The following DLC1 variants were observed in gnomAD, a reference collection of about 807,000 sequenced individuals.
DLC1 encodes the protein rho GTPase-activating protein 7.
Under a neutral mutation model 140.3 loss-of-function variants are expected in DLC1, and 54 were observed. The observed-to-expected ratio is 0.38, with a 90% CI of 0.31 to 0.48. DLC1 has a LOEUF of 0.48. DLC1 is among the 20% of genes least tolerant of loss of function. The pLI is 0.96. For missense variants in DLC1, 2,536 were observed against 1,907.0 expected (o/e 1.33, Z -6.14); for synonymous variants, 986 against 728.1 (o/e 1.35, Z -5.70).
At chr8:13,518,745 G>T (rs967258086), upstream of DLC1, among the ~76,000 whole-genome samples, 1 of 152,140 alleles carries the variant, frequency 6.6e-6, no homozygotes, top group African/African-American at 2.4e-5. Flanking sequence ...AATATATAAA[G>T]AGAATAAATA....
chr8:13,573,435 T>C (rs535389054), intron 1 of DLC1, among the ~76,000 whole-genome samples: 1 of 152,316 alleles, frequency 6.6e-6, no homozygotes, highest in African/African-American at 2.4e-5. Flanking sequence ...TCCTTTCCAA[T>C]TTGAATGCCT....
chr8:13,538,884 T>C (rs1803390192), intron 1 of DLC1, among the ~76,000 whole-genome samples: 1 of 152,226 alleles, frequency 6.6e-6, no homozygotes, highest in African/African-American at 2.4e-5. Flanking sequence ...AGTAATGTCG[T>C]AAATATCTTT....
chr8:13,573,217 G>A (rs1410006703), intron 1 of DLC1, among the ~76,000 whole-genome samples: 1 of 151,912 alleles, frequency 6.6e-6, no homozygotes, highest in Non-Finnish European at 1.5e-5. Context: ...TTATTCTTTT[G>A]GTTGCCATTG....
chr8:13,281,316 G>T (rs1008446830), intron 5 of DLC1, among the ~76,000 whole-genome samples: 4 of 152,130 alleles, frequency 2.6e-5, no homozygotes, highest in African/African-American at 9.7e-5. Flanking sequence ...TTGACCAAAG[G>T]GTCAAATCAA....
intron 1 of DLC1, chr8:13,567,024 CA>C (rs1247757358): frequency 1.3e-6 from 2 of 1,550,928 alleles, no homozygotes; most frequent in Non-Finnish European, 1.7e-6. Flanking sequence ...CCCAAACGGA[CA>C]AAAGTGCTCT....
At chr8:13,465,004 C>T (rs1218959258) in intron 2 of DLC1, among the ~76,000 whole-genome samples, 3 of 151,956 alleles carry the variant, frequency 2.0e-5, no homozygotes, top group African/African-American at 7.3e-5. Context: ...GTAGCTTGAA[C>T]TACAGGTGCA....
At chr8:13,470,996 A>T (rs558146700) in intron 2 of DLC1, among the ~76,000 whole-genome samples, 4 of 152,192 alleles carry the variant, frequency 2.6e-5, no homozygotes, top group African/African-American at 7.2e-5. Context: ...ATGCTACAAC[A>T]TGGATGAATC....
At chr8:13,269,901 C>CAA (rs371620278) in intron 5 of DLC1, among the ~76,000 whole-genome samples, 23 of 129,534 alleles carry the variant, frequency 1.8e-4, no homozygotes, top group African/African-American at 4.4e-4. Flanking sequence ...ACTAAAAATA[C>CAA]AAAAAAAAAA....
intron 5 of DLC1, among the ~76,000 whole-genome samples, chr8:13,191,117 G>C (rs192881954): frequency 1.3e-3 from 204 of 152,270 alleles, no homozygotes; most frequent in Non-Finnish European, 7.2e-4. Flanking sequence ...ACAAATGACT[G>C]GTAATAGCAA....
intron 5 of DLC1, among the ~76,000 whole-genome samples, chr8:13,191,794 C>G (rs115088202): frequency 4.6e-5 from 7 of 152,180 alleles, no homozygotes; most frequent in African/African-American, 9.6e-5. Flanking sequence ...CTTTCTGGAT[C>G]TCAGTTTCTT....
intron 4 of DLC1, among the ~76,000 whole-genome samples, chr8:13,365,113 A>G (rs1729180): frequency 0.7 from 106,787 of 152,070 alleles, 38,242 homozygotes; most frequent in East Asian, 0.84. Context: ...CTTAGAAATC[A>G]AATTCCATTT....
intron 12 of DLC1, 87 bp downstream of exon 12, chr8:13,094,672 A>G (rs1180545909): frequency 3.9e-6 from 6 of 1,532,574 alleles, no homozygotes; most frequent in Non-Finnish European, 5.4e-6. Flanking sequence ...TCTCAAAAAA[A>G]AAAAGAATGC....
Position 13,260,637 on chromosome 8 carries a change from AAG to A in DLC1, c.1348+44630_1348+44631del, listed in dbSNP as rs1335772606. Among the ~76,000 whole-genome samples, 801 of 152,294 alleles carry A rather than the reference AAG, an allele frequency of 5.3e-3. 10 individuals are homozygous for A. Among genetic ancestry groups the A allele is most frequent in the African/African-American group, 0.018 (760 of 41,564 alleles). On this transcript the variant is annotated intron_variant, in intron 5 of 17. Coordinates refer to ENST00000276297, the MANE Select transcript of DLC1 (RefSeq NM_182643.3). ...GACAAGATAGGAGGAAAGAAAAAGAAAGGAAGGAAGAAATATCCAACTGATGC... is the reference window on the plus strand; with the variant it reads ...GACAAGATAGGAGGAAAGAAAAAGAAGAAGGAAGAAATATCCAACTGATGC...
intron 1 of DLC1, among the ~76,000 whole-genome samples, chr8:13,569,933 C>T (rs1168583723): frequency 6.6e-6 from 1 of 152,084 alleles, no homozygotes; most frequent in African/African-American, 2.4e-5. Context: ...GCTATGTTGC[C>T]CAGACTGGTC....
At position 13,355,612 on chromosome 8, in the gene DLC1, C is replaced by T. The variant is rs1178364120; in HGVS notation, c.1314+37941G>A. 2.6e-5 allele frequency among the ~76,000 whole-genome samples: 4 copies of T among 152,106 alleles called. No homozygotes were observed. The South Asian group carries it at 8.3e-4, about 32-fold the overall frequency. ...TCAGCTCATTTAATATGAATTACTT[C>T]CTTACAGCAAAAACAATTACATCTG... On this transcript the variant is annotated intron_variant, in intron 4 of 17. Transcript: ENST00000276297.
chr8:13,437,144 C>T (rs1263735200), intron 2 of DLC1, among the ~76,000 whole-genome samples: 3 of 152,174 alleles, frequency 2.0e-5, no homozygotes, highest in Middle Eastern at 3.2e-3. Flanking sequence ...TCTGTCTACG[C>T]CATTCCTACT....
intron 5 of DLC1, among the ~76,000 whole-genome samples, chr8:13,239,854 C>T (rs1287247918): frequency 6.6e-6 from 1 of 152,128 alleles, no homozygotes; most frequent in African/African-American, 2.4e-5. Context: ...AAGCAATTTA[C>T]AAAGTGGCTT....
At chr8:13,118,266 C>A (rs1820748718) in intron 5 of DLC1, among the ~76,000 whole-genome samples, 1 of 152,140 alleles carries the variant, frequency 6.6e-6, no homozygotes, top group Non-Finnish European at 1.5e-5. Flanking sequence ...AATAGTCACT[C>A]TTAGGGCCAC....
At chr8:13,302,741 G>A (rs975620136) in intron 5 of DLC1, among the ~76,000 whole-genome samples, 3 of 151,566 alleles carry the variant, frequency 2.0e-5, no homozygotes, top group African/African-American at 7.3e-5. Flanking sequence ...CAGGCCTTAG[G>A]GGCGGGTATG....
Sources: allele counts gnomAD v4.1 joint callset (sites outside exome capture counted in the v4.1 genomes callset), GRCh38; gene constraint gnomAD v4.1.1; transcripts MANE v1.5; gene names NCBI Gene and HGNC (gene_info 2026-07-23, HGNC 2026-07-21).